Variants in SYNE2 observed in about 807,000 individuals in gnomAD.
SYNE2 encodes nesprin-2.
A neutral mutation model predicts 856.3 loss-of-function variants in SYNE2; 431 were observed. The observed-to-expected ratio is 0.50, with a 90% CI of 0.47 to 0.55. SYNE2 has a LOEUF of 0.55. Ranked by LOEUF, SYNE2 falls within the 20% of genes least tolerant of loss-of-function variation. The pLI, the probability that SYNE2 is intolerant of heterozygous loss-of-function variation, is 0.00. For synonymous variants in SYNE2, 2,923 were observed against 2,872.3 expected, an observed-to-expected ratio of 1.02 and a Z score of -0.56; for missense variants, 8,129 against 8,023.2, an observed-to-expected ratio of 1.01 and a Z score of -0.50.
Position 63,991,101 on chromosome 14 carries a change from A to G in SYNE2, c.2632A>G (p.Ile878Val). The G allele has an allele frequency of 6.2e-7, 1 of 1,614,112 alleles. No homozygotes were observed. Among genetic ancestry groups the G allele is most frequent in the Non-Finnish European group, 8.5e-7 (1 of 1,179,970 alleles). The change falls in exon 21 of 116, where the codon ATT becomes GTT. Residue 878 changes from isoleucine (I) to valine (V), a missense_variant. By Grantham distance (29) the Ile-to-Val change is conservative. Transcript: ENST00000555002. ...GCAAAGAGAGAGCCCCGGTGAACTC[A>G]TTTCAAAACACAAGGTGGGAATCTT... ...LGQRESPGEL[I>V]SKHKEALIIS...
intron 2 of SYNE2, among the ~76,000 whole-genome samples, chr14:63,922,275 G>T (rs1020522934): frequency 7.2e-5 from 11 of 152,310 alleles, no homozygotes; most frequent in Non-Finnish European, 1.6e-4. Context: ...AAAGTGCTGA[G>T]ATTACAGGCA....
intron 66 of SYNE2, among the ~76,000 whole-genome samples, chr14:64,115,474 A>G (rs907247899): frequency 1.5e-4 from 23 of 152,178 alleles, no homozygotes; most frequent in African/African-American, 5.3e-4. Flanking sequence ...TCTCTGGGTC[A>G]GAGAGCGCCG....
rs769603327 is a variant in SYNE2 at position 64,212,008 on chromosome 14, T to C, written c.18771T>C (p.Ile6257=). The change falls in exon 104 of 116, where the codon ATT becomes ATC. Residue 6257 remains isoleucine, a synonymous_variant. Transcript: ENST00000555002. ...AATTTGAGGGCACCAGGGAGAGCAT[T>C]CTGGTGTGGCTCACAGAGATGGACC... is the stretch of plus-strand genomic sequence containing the variant. ...REEFEGTRES[I]LVWLTEMDLQ... is the part of the protein sequence containing the mutation. The C allele has an allele frequency of 6.8e-6, 11 of 1,614,038 alleles. No individual in the cohort carries two copies. The highest frequency in any genetic ancestry group is 9.3e-6 in the Non-Finnish European group (11 of 1,180,036).
chr14:63,788,036 C>T (rs1326097938), intron 1 of SYNE2, among the ~76,000 whole-genome samples: 1 of 152,234 alleles, frequency 6.6e-6, no homozygotes, highest in Non-Finnish European at 1.5e-5. Context: ...CTCTCACGCT[C>T]GTGGGTGCCC....
intron 96 of SYNE2, among the ~76,000 whole-genome samples, chr14:64,181,886 C>T (rs1041518981): frequency 9.9e-5 from 15 of 152,202 alleles, no homozygotes; most frequent in African/African-American, 3.6e-4. Context: ...TTTCATAACA[C>T]TTGTCCAAAG....
chr14:64,166,898 A>C (rs1290610897), intron 90 of SYNE2: 3 of 342,468 alleles, frequency 8.8e-6, no homozygotes, highest in Non-Finnish European at 1.7e-5. Context: ...ATGATACTGC[A>C]GTCCAGCCTG....
chr14:63,851,382 A>C (rs1447911476), upstream of SYNE2, among the ~76,000 whole-genome samples: 5 of 152,014 alleles, frequency 3.3e-5, no homozygotes, highest in African/African-American at 4.8e-5. Flanking sequence ...GAACGAACAA[A>C]CAAAAAAACC....
chr14:64,140,952 TG>T (rs898001396), intron 80 of SYNE2, among the ~76,000 whole-genome samples: 7 of 152,258 alleles, frequency 4.6e-5, no homozygotes, highest in Admixed American at 6.5e-5. Flanking sequence ...GCTATTAAAA[TG>T]TAAATTTTTT....
At chr14:63,790,361 GAAAAGAAAGAAGGAAGGAAAGAAAGA>G (rs1439345818) in intron 1 of SYNE2, among the ~76,000 whole-genome samples, 1 of 150,990 alleles carries the variant, frequency 6.6e-6, no homozygotes, top group East Asian at 1.9e-4. Context: ...AAGGAAAGAA[GAAAAGAAAGAAGGAAGGAAAGAAAGA>G]AAAAGAAAGA....
At chr14:64,179,842 G>A (rs985507101) in intron 96 of SYNE2, among the ~76,000 whole-genome samples, 3 of 151,904 alleles carry the variant, frequency 2.0e-5, no homozygotes, top group South Asian at 2.1e-4. Flanking sequence ...GTTTTTCTGC[G>A]TTTTCCTTGG....
chr14:64,003,574 G>A (rs2096771683), intron 30 of SYNE2, among the ~76,000 whole-genome samples: 1 of 152,210 alleles, frequency 6.6e-6, no homozygotes, highest in African/African-American at 2.4e-5. Flanking sequence ...AAGGAGTGGT[G>A]AAGTCAGATG....
intron 1 of SYNE2, among the ~76,000 whole-genome samples, chr14:63,770,569 G>T (rs1402846752): frequency 5.9e-5 from 9 of 152,166 alleles, no homozygotes; most frequent in African/African-American, 2.2e-4. Context: ...GGAGGCTAAA[G>T]CAGGAGGATC....
chr14:63,829,817 C>G (rs1435132622), intron 1 of SYNE2, among the ~76,000 whole-genome samples: 3 of 151,950 alleles, frequency 2.0e-5, no homozygotes, highest in Non-Finnish European at 2.9e-5. Flanking sequence ...GGGGGTCTCA[C>G]TTTGTTCCCC....
At chr14:63,961,250 A>G (rs1289448325) in intron 8 of SYNE2, among the ~76,000 whole-genome samples, 2 of 152,200 alleles carry the variant, frequency 1.3e-5, no homozygotes, top group Admixed American at 6.5e-5. Flanking sequence ...CTTCAGACAT[A>G]CCCCATAGTG....
chr14:64,173,973 C>T (rs1013420921), intron 94 of SYNE2: 36 of 691,528 alleles, frequency 5.2e-5, no homozygotes, highest in Non-Finnish European at 8.1e-5. Context: ...ACACTGCCTG[C>T]GGAGCGGCCC....
chr14:64,109,555 G>C (rs2097791978), intron 65 of SYNE2, among the ~76,000 whole-genome samples: 1 of 152,158 alleles, frequency 6.6e-6, no homozygotes, highest in Non-Finnish European at 1.5e-5. Flanking sequence ...TTAGGCTCCA[G>C]TGACTCTCTT....
At chr14:64,047,874 CA>C in intron 45 of SYNE2, 125 bp from the exon 46 acceptor site, 2 of 1,038,204 alleles carry the variant, frequency 1.9e-6, no homozygotes, top group South Asian at 1.5e-5. Flanking sequence ...TCGTAGTGCC[CA>C]AATATACTTT....
chr14:64,118,671 G>T (rs1049877165), intron 66 of SYNE2, among the ~76,000 whole-genome samples: 1 of 151,946 alleles, frequency 6.6e-6, no homozygotes, highest in Non-Finnish European at 1.5e-5. Context: ...GACCAGCCTG[G>T]CCAAAATGGC....
intron 2 of SYNE2, among the ~76,000 whole-genome samples, chr14:63,916,923 C>CA (rs1330510179): frequency 6.6e-6 from 1 of 150,698 alleles, no homozygotes; most frequent in Non-Finnish European, 1.5e-5. Flanking sequence ...TCTGGCTCCA[C>CA]AAAAAATAAA....
Sources: allele counts gnomAD v4.1 joint callset (sites outside exome capture counted in the v4.1 genomes callset), GRCh38; gene constraint gnomAD v4.1.1; transcripts MANE v1.5; gene names NCBI Gene and HGNC (gene_info 2026-07-23, HGNC 2026-07-21).